Variants in PCNX4 observed in about 807,000 individuals in gnomAD.
PCNX4 encodes pecanex-like protein 4.
PCNX4 carries 103 observed loss-of-function variants against 107.2 expected under a neutral mutation model. The ratio of observed to expected loss-of-function variants is 0.96; its 90% CI spans 0.82 to 1.13. PCNX4 has a LOEUF of 1.13. PCNX4 is among the 50% of genes most tolerant of loss of function. The pLI, the probability that PCNX4 is intolerant of heterozygous loss-of-function variation, is 0.00. For missense variants in PCNX4, 1,528 were observed against 1,379.4 expected, an observed-to-expected ratio of 1.11 and a Z score of -1.71; for synonymous variants, 541 against 481.7, an observed-to-expected ratio of 1.12 and a Z score of -1.61.
At chr14:60,121,998 T>C (rs1211697887) in intron 8 of PCNX4, among the ~76,000 whole-genome samples, 2 of 152,212 alleles carry the variant, frequency 1.3e-5, no homozygotes, top group Non-Finnish European at 2.9e-5. Context: ...AGCCTAGTAG[T>C]CCTTGCTGAC....
chr14:60,139,199 C>A lies in PCNX4; in HGVS notation c.*4978C>A, dbSNP rs911441084. The A allele has an allele frequency of 6.6e-6, 1 of 151,904 alleles. No individual in the cohort carries two copies. Among genetic ancestry groups the A allele is most frequent in the African/African-American group, 2.4e-5 (1 of 41,380 alleles). The allele number at this position is 151,904 out of a possible 1,614,324, so 9.4% of individuals were successfully genotyped here. ...CATCAAAGTGAAAAGAAAGAAAACC[C>A]ACAAAGTACCTTTATGCAAGAGATG... On this transcript the variant is annotated 3_prime_UTR_variant, in exon 11 of 11. Coordinates refer to ENST00000406854, the MANE Select transcript of PCNX4 (RefSeq NM_001330177.2).
chr14:60,102,303 A>C (rs1895547207), intron 1 of PCNX4, among the ~76,000 whole-genome samples: 1 of 140,350 alleles, frequency 7.1e-6, no homozygotes, highest in African/African-American at 2.5e-5. Flanking sequence ...CAATCAATAA[A>C]AATAATATGA....
intron 2 of PCNX4, chr14:60,109,000 A>G (rs1595165905): frequency 6.0e-6 from 1 of 166,856 alleles, no homozygotes; most frequent in Non-Finnish European, 1.5e-5. Context: ...GAATTCATAT[A>G]TTACAGTCTT....
At position 60,140,309 on chromosome 14, in the gene PCNX4, A is replaced by C. The variant is rs1178411352; in HGVS notation, c.*6088A>C. The C allele has an allele frequency of 6.6e-6, 1 of 152,204 alleles. No homozygotes were observed. The highest frequency in any genetic ancestry group is 1.9e-4 in the East Asian group (1 of 5,204). The allele number at this position is 152,204 out of a possible 1,614,324, so 9.4% of individuals were successfully genotyped here. On this transcript the variant is annotated 3_prime_UTR_variant, in exon 11 of 11. Transcript: ENST00000406854. This position sits in a 1 kb window ranked among gnomAD's most constrained non-coding sequence, Gnocchi z 4.2. The stretch of plus-strand genomic sequence containing the variant: ...CCAAAATTGACAAATGAAAAAATAG[A>C]AAATTCGAGTAGTTCCCTATCTGCT...
rs1896309840 is a variant in PCNX4, at chr14:60,141,896, G to A, written c.*7675G>A. 1 of 152,178 alleles carries A rather than the reference G, an allele frequency of 6.6e-6. No individual in the cohort carries two copies. The highest frequency in any genetic ancestry group is 1.5e-5 in the Non-Finnish European group (1 of 68,032). 9.4% of individuals were successfully genotyped at this position (152,178 alleles called of 1,614,324 possible). ...TCTCTTGGGCAAATACCTAGGACTG[G>A]GATGGCTAAATCATATGATAAGTGT... On this transcript the variant is annotated 3_prime_UTR_variant, in exon 11 of 11. Transcript: ENST00000406854.
At chr14:60,112,141 T>A (rs951308048) in intron 2 of PCNX4, among the ~76,000 whole-genome samples, 2 of 152,122 alleles carry the variant, frequency 1.3e-5, no homozygotes, top group African/African-American at 2.4e-5. Flanking sequence ...TTAAATGACT[T>A]CTTCTGTGCA....
chr14:60,145,002 A>G lies in PCNX4; in HGVS notation c.*10781A>G. ...TTGTCTTAAAGATTTTAAAATAAGAAGAGTCTGCATCCTGTAAAAGAGGGA... is the reference window on the plus strand; with the variant it reads ...TTGTCTTAAAGATTTTAAAATAAGAGGAGTCTGCATCCTGTAAAAGAGGGA... On this transcript the variant is annotated 3_prime_UTR_variant, in exon 11 of 11. Coordinates refer to ENST00000406854, the MANE Select transcript of PCNX4 (RefSeq NM_001330177.2). This position sits in a 1 kb window ranked among gnomAD's most constrained non-coding sequence, Gnocchi z 4.0. 1.2e-6 allele frequency: 2 copies of G among 1,600,912 alleles called. No individual in the cohort carries two copies. Among genetic ancestry groups the G allele is most frequent in the South Asian group, 1.1e-5 (1 of 87,240 alleles).
intron 6 of PCNX4, 109 bp downstream of exon 6, chr14:60,116,169 A>T: frequency 9.2e-7 from 1 of 1,090,968 alleles, no homozygotes; most frequent in East Asian, 2.8e-5. Context: ...ATCTAATTTT[A>T]GAACATTTTC....
intron 9 of PCNX4, 91 bp from the exon 10 acceptor site, chr14:60,125,546 A>G (rs186503187): frequency 2.4e-5 from 23 of 940,286 alleles, no homozygotes; most frequent in Non-Finnish European, 3.1e-5. Context: ...TTTCAGTTCA[A>G]TGTCTTAAAA....
chr14:60,108,801 A>G (rs1383838941), intron 2 of PCNX4: 3 of 52,168 alleles, frequency 5.8e-5, no homozygotes, highest in Non-Finnish European at 3.1e-4. Context: ...CTTGTTACAG[A>G]AGAAAAGTAG....
chr14:60,111,642 TA>T (rs1314621251), intron 2 of PCNX4, among the ~76,000 whole-genome samples: 3 of 152,188 alleles, frequency 2.0e-5, no homozygotes, highest in African/African-American at 7.2e-5. Context: ...AAGTGAATCC[TA>T]GGTTCTTTAA....
In PCNX4 at chr14:60,147,823, C is replaced by G. The variant is rs966547467; in HGVS notation, c.*13602C>G. ...CCTAGCACCAGGCTGCATGCTCTGC[C>G]AGGAGGCTGTGCTTCCTCTGTAGTA... On this transcript the variant is annotated 3_prime_UTR_variant, in exon 11 of 11. Transcript: ENST00000406854. 1 of 152,186 alleles carries G rather than the reference C, an allele frequency of 6.6e-6. No individual in the cohort carries two copies. The highest frequency in any genetic ancestry group is 1.5e-5 in the Non-Finnish European group (1 of 68,062). 9.4% of individuals were successfully genotyped at this position (152,186 alleles called of 1,614,324 possible). A position where few individuals can be genotyped will look rare whatever the true frequency, so the allele number is the denominator to read the frequency against.
intron 10 of PCNX4, among the ~76,000 whole-genome samples, chr14:60,131,695 G>A (rs1896158059): frequency 6.6e-6 from 1 of 152,168 alleles, no homozygotes; most frequent in Non-Finnish European, 1.5e-5. Context: ...AAATTGACAA[G>A]TTGATTTTCT....
Position 60,107,655 on chromosome 14 carries a change from C to T in PCNX4, c.17C>T (p.Pro6Leu), listed in dbSNP as rs1418030950. The T allele has an allele frequency of 6.2e-7, 1 of 1,612,140 alleles. No homozygotes were observed. Among genetic ancestry groups the T allele is most frequent in the Non-Finnish European group, 8.5e-7 (1 of 1,179,612 alleles). The change falls in exon 2 of 11, where the codon CCT (proline) becomes CTT (leucine). Residue 6 changes from proline (P) to leucine (L), a missense_variant. Coordinates refer to ENST00000406854, the MANE Select transcript of PCNX4 (RefSeq NM_001330177.2). ...CGAGTGAGGATGAGTCCAGATGTGC[C>T]TCTACTGAATGATTACAAGCAGGAC... The part of the protein sequence containing the change: MSPDV[P>L]LLNDYKQDFF...
chr14:60,145,780 G>A lies in PCNX4; in HGVS notation c.*11559G>A, dbSNP rs912048747. On this transcript the variant is annotated 3_prime_UTR_variant, in exon 11 of 11. Coordinates refer to ENST00000406854, the MANE Select transcript of PCNX4 (RefSeq NM_001330177.2). The surrounding 1 kb of genome is among the most constrained non-coding windows in gnomAD (Gnocchi z 4.0). ...CCCCAAGATGTGATGTTTCTTTTCAGAAGATATGCATTTACCACTTTCAAA... is the reference window on the plus strand; with the variant it reads ...CCCCAAGATGTGATGTTTCTTTTCAAAAGATATGCATTTACCACTTTCAAA... 2 of 152,068 alleles carry A rather than the reference G, an allele frequency of 1.3e-5. No individual in the cohort carries two copies. The highest frequency in any genetic ancestry group is 4.8e-5 in the African/African-American group (2 of 41,428). 9.4% of individuals were successfully genotyped at this position (152,068 alleles called of 1,614,324 possible).
chr14:60,097,666 A>G (rs1417587952), intron 1 of PCNX4, among the ~76,000 whole-genome samples: 1 of 152,230 alleles, frequency 6.6e-6, no homozygotes. Flanking sequence ...TAAAAAGCTA[A>G]GGGAATACCA....
At chr14:60,100,740 GT>G (rs1339026716) in intron 1 of PCNX4, among the ~76,000 whole-genome samples, 1 of 152,160 alleles carries the variant, frequency 6.6e-6, no homozygotes, top group Non-Finnish European at 1.5e-5. Flanking sequence ...CATCAGGTGG[GT>G]TTTATTTAAC....
chr14:60,116,111 T>C, intron 6 of PCNX4, 51 bp downstream of exon 6: 1 of 1,462,576 alleles, frequency 6.8e-7, no homozygotes, highest in Non-Finnish European at 9.2e-7. Flanking sequence ...CATACTATAA[T>C]ATTTGTCCAT....
rs1172015647 is a variant in PCNX4 at position 60,147,330 on chromosome 14, C to T, written c.*13109C>T. The T allele has an allele frequency of 6.6e-6, 1 of 152,114 alleles. No homozygotes were observed. The highest frequency in any genetic ancestry group is 6.5e-5 in the Admixed American group (1 of 15,278). 9.4% of individuals were successfully genotyped at this position (152,114 alleles called of 1,614,324 possible). ...AAGGATCTAATATACCGCATGGTGA[C>T]TACAGTTAATAATACTGTATAGCAT... is the stretch of plus-strand genomic sequence containing the variant. On this transcript the variant is annotated 3_prime_UTR_variant, in exon 11 of 11. Coordinates refer to ENST00000406854, the MANE Select transcript of PCNX4 (RefSeq NM_001330177.2).
Sources: allele counts gnomAD v4.1 joint callset (sites outside exome capture counted in the v4.1 genomes callset), GRCh38; gene constraint gnomAD v4.1.1; non-coding constraint Gnocchi (gnomAD v3.1); transcripts MANE v1.5; gene names NCBI Gene and HGNC (gene_info 2026-07-23, HGNC 2026-07-21).